USP49: variants seen among roughly 807,000 people sequenced by gnomAD.
The protein encoded by USP49 is ubiquitin carboxyl-terminal hydrolase 49.
USP49 carries 24 observed loss-of-function variants against 58.6 expected under a neutral mutation model. The observed-to-expected ratio is 0.41, with a 90% confidence interval of 0.30 to 0.58. The LOEUF (loss-of-function observed/expected upper bound fraction) is 0.58, where lower values mean the gene tolerates loss of function less well. USP49 is among the 20% of genes least tolerant of loss of function. USP49 has a pLI of 0.30. For missense variants in USP49, 703 were observed against 866.1 expected (o/e 0.81, Z 2.36); for synonymous variants, 408 against 365.1 (o/e 1.12, Z -1.34).
In USP49 at chr6:41,790,437, A is replaced by T. The variant is rs1042165812; in HGVS notation, c.*6096T>A. On this transcript the variant is annotated 3_prime_UTR_variant, in exon 8 of 8. Transcript: ENST00000682992. Reference sequence around the variant, plus strand: ...GAGTATGTACGGAACTGGCATGTATAGACTTATATAGCCATAGAAAGAGGT... The same window carrying T: ...GAGTATGTACGGAACTGGCATGTATTGACTTATATAGCCATAGAAAGAGGT... 6.6e-6 allele frequency: 1 copy of T among 152,212 alleles called. No individual in the cohort carries two copies. The allele number at this position is 152,212 out of a possible 1,614,324, so 9.4% of individuals were successfully genotyped here. A position where few individuals can be genotyped will look rare whatever the true frequency, so the allele number is the denominator to read the frequency against.
At chr6:41,840,853 GA>G (rs945287103) in intron 3 of USP49, among the ~76,000 whole-genome samples, 1 of 151,246 alleles carries the variant, frequency 6.6e-6, no homozygotes, top group African/African-American at 2.4e-5. Context: ...ATGAAGTCTG[GA>G]AAAAAAATTA....
intron 3 of USP49, among the ~76,000 whole-genome samples, chr6:41,838,660 C>T (rs963797008): frequency 6.6e-6 from 1 of 152,124 alleles, no homozygotes; most frequent in African/African-American, 2.4e-5. Context: ...AAATAGTCTA[C>T]CCAAATGAGA....
At chr6:41,863,520 A>G (rs1287237088) in intron 3 of USP49, among the ~76,000 whole-genome samples, 1 of 152,184 alleles carries the variant, frequency 6.6e-6, no homozygotes, top group Non-Finnish European at 1.5e-5. Context: ...CAAAAACAGC[A>G]TTTTCATTCT....
chr6:41,798,694 C>T (rs1387669236), intron 7 of USP49, 30 bp downstream of exon 7: 2 of 1,613,970 alleles, frequency 1.2e-6, no homozygotes, highest in Non-Finnish European at 1.7e-6. Flanking sequence ...CTTTCCGTGT[C>T]CCCCACCCCA....
At chr6:41,825,810 G>C (rs935536954) in intron 3 of USP49, among the ~76,000 whole-genome samples, 1 of 152,044 alleles carries the variant, frequency 6.6e-6, no homozygotes, top group Non-Finnish European at 1.5e-5. Context: ...TTTTAAGTTA[G>C]TGATCACAGA....
chr6:41,797,977 C>T (rs1374552327), intron 7 of USP49: 1 of 239,332 alleles, frequency 4.2e-6, no homozygotes, highest in African/African-American at 2.3e-5. Context: ...GAGCAATTCT[C>T]CCACCTCAGC....
intron 3 of USP49, among the ~76,000 whole-genome samples, chr6:41,847,482 G>A (rs1220997269): frequency 1.3e-5 from 2 of 152,108 alleles, no homozygotes; most frequent in Admixed American, 1.3e-4. Flanking sequence ...TTAGGAGGCC[G>A]AGGCAGGTGG....
chr6:41,861,856 G>A (rs868689323), intron 3 of USP49, among the ~76,000 whole-genome samples: 1 of 151,914 alleles, frequency 6.6e-6, no homozygotes, highest in Non-Finnish European at 1.5e-5. Context: ...ACACCACCAT[G>A]CCCGGCTAAT....
At chr6:41,886,768 G>A (rs926880896) in intron 2 of USP49, among the ~76,000 whole-genome samples, 3 of 152,150 alleles carry the variant, frequency 2.0e-5, no homozygotes, top group African/African-American at 7.2e-5. Flanking sequence ...GCGTGGTGGT[G>A]CATGCCTGTA....
chr6:41,851,952 CAAAAAAAAAA>C (rs67716441), intron 3 of USP49, among the ~76,000 whole-genome samples: 21 of 54,880 alleles, frequency 3.8e-4, no homozygotes, highest in Non-Finnish European at 5.3e-4. Flanking sequence ...AGACTCGTCT[CAAAAAAAAAA>C]AAAAAAAAAA....
Position 41,888,242 on chromosome 6 carries a change from A to T in USP49, c.-103+3552T>A, listed in dbSNP as rs532088565. Among the ~76,000 whole-genome samples, 4 of 151,922 alleles carry T rather than the reference A, an allele frequency of 2.6e-5. No homozygotes were observed. In the East Asian group the frequency reaches 7.8e-4, roughly 29 times the overall value. ...GCTAATTTTTGTATTTTTAGCAGAG[A>T]CAGGGTTTCACTATGTTGGCTAGCC... On this transcript the variant is annotated intron_variant, in intron 2 of 7. Coordinates refer to ENST00000682992, the MANE Select transcript of USP49 (RefSeq NM_001286554.2).
At chr6:41,862,858 C>T (rs1404520389) in intron 3 of USP49, among the ~76,000 whole-genome samples, 1 of 151,968 alleles carries the variant, frequency 6.6e-6, no homozygotes, top group Admixed American at 6.6e-5. Context: ...ACTGCAACCT[C>T]CACCTCCCAG....
intron 3 of USP49, among the ~76,000 whole-genome samples, chr6:41,819,296 G>A (rs948480039): frequency 1.3e-5 from 2 of 151,884 alleles, no homozygotes; most frequent in Non-Finnish European, 2.9e-5. Context: ...AACAAGGTCC[G>A]AACTAATGGC....
In USP49 at chr6:41,805,705, G is replaced by A; in HGVS notation, c.1279C>T (p.Pro427Ser). The A allele has an allele frequency of 1.9e-6, 3 of 1,614,144 alleles. No individual in the cohort carries two copies. The highest frequency in any genetic ancestry group is 1.7e-6 in the Non-Finnish European group (2 of 1,180,014). The change falls in exon 4 of 8, where the codon CCC becomes TCC. Residue 427 changes from proline to serine, a missense_variant. Around this residue, in one of 6 missense-constraint regions of USP49, gnomAD observed 66 missense variants for 116.0 expected, o/e 0.57. Transcript: ENST00000682992. ...TTGGTGAGCTTCCTCTGGGAGAAGG[G>A]GATGAGGATCCGGCGTGTGGTGCCC... ...SEGTTRRILI[P>S]FSQRKLTKQV... is the part of the protein sequence containing the mutation.
intron 3 of USP49, among the ~76,000 whole-genome samples, chr6:41,808,441 C>G (rs1380329552): frequency 7.0e-6 from 1 of 143,050 alleles, no homozygotes; most frequent in African/African-American, 2.6e-5. Context: ...GATGGAGTCT[C>G]GCTCTGTCAC....
Position 41,794,600 on chromosome 6 carries a change from G to C in USP49, c.*1933C>G, listed in dbSNP as rs890462746. The C allele has an allele frequency of 3.3e-5, 5 of 151,954 alleles. No individual in the cohort carries two copies. Among genetic ancestry groups the C allele is most frequent in the African/African-American group, 1.2e-4 (5 of 41,358 alleles). 9.4% of individuals were successfully genotyped at this position (151,954 alleles called of 1,614,324 possible). A position where few individuals can be genotyped will look rare whatever the true frequency, so the allele number is the denominator to read the frequency against. On this transcript the variant is annotated 3_prime_UTR_variant, in exon 8 of 8. Coordinates refer to ENST00000682992, the MANE Select transcript of USP49 (RefSeq NM_001286554.2). The stretch of plus-strand genomic sequence containing the variant: ...ACAAAAAGTCATTACTAATCATGCC[G>C]ACTTAAAAACGTGGATCTTGAGAGT...
Position 41,792,827 on chromosome 6 carries a change from T to A in USP49, c.*3706A>T, listed in dbSNP as rs535841712. ...AAATCCTTTCCCTTAATCTTTTCAA[T>A]TCCATGCAAACCGTAATTGAGTACA... On this transcript the variant is annotated 3_prime_UTR_variant, in exon 8 of 8. Coordinates refer to ENST00000682992, the MANE Select transcript of USP49 (RefSeq NM_001286554.2). 6.6e-6 allele frequency: 1 copy of A among 152,382 alleles called. No individual in the cohort carries two copies. The highest frequency in any genetic ancestry group is 1.9e-4 in the East Asian group (1 of 5,194). The allele number at this position is 152,382 out of a possible 1,614,324, so 9.4% of individuals were successfully genotyped here.
chr6:41,809,847 A>C (rs945824288), intron 3 of USP49, among the ~76,000 whole-genome samples: 14 of 145,388 alleles, frequency 9.6e-5, no homozygotes, highest in African/African-American at 3.1e-4. Flanking sequence ...TAGATAAATA[A>C]AAATTAAAAA....
At chr6:41,834,270 A>AT in intron 3 of USP49, among the ~76,000 whole-genome samples, 1 of 152,328 alleles carries the variant, frequency 6.6e-6, no homozygotes, top group African/African-American at 2.4e-5. Context: ...ACTGAGCACT[A>AT]TCTAAAAAGT....
Sources: allele counts gnomAD v4.1 joint callset (sites outside exome capture counted in the v4.1 genomes callset), GRCh38; gene constraint gnomAD v4.1.1; regional missense constraint gnomAD v4.1.1; transcripts MANE v1.5; gene names NCBI Gene and HGNC (gene_info 2026-07-23, HGNC 2026-07-21).